LRBA: variants seen among roughly 807,000 people sequenced by gnomAD.
The protein encoded by LRBA is lipopolysaccharide-responsive and beige-like anchor protein.
LRBA carries 176 observed loss-of-function variants against 330.0 expected under a neutral mutation model. That is an observed-to-expected ratio of 0.53 (90% CI 0.47 to 0.60). LRBA has a LOEUF of 0.60. Among genes scored for constraint, LRBA ranks in the 20% least tolerant of loss-of-function variants. The probability of loss-of-function intolerance (pLI) is 0.00; values close to 1 mark genes in which losing one functional copy is unlikely to be tolerated. For synonymous variants in LRBA, 1,230 were observed against 1,193.0 expected (o/e 1.03, Z -0.64); for missense variants, 3,259 against 3,444.8 (o/e 0.95, Z 1.35).
At chr4:150,481,205 T>C (rs932713871) in intron 42 of LRBA, among the ~76,000 whole-genome samples, 1 of 152,122 alleles carries the variant, frequency 6.6e-6, no homozygotes, top group Non-Finnish European at 1.5e-5. Flanking sequence ...TATTCCATTG[T>C]GTATATATGG....
intron 37 of LRBA, among the ~76,000 whole-genome samples, chr4:150,676,047 GCAAA>G (rs1486518289): frequency 1.3e-5 from 2 of 152,064 alleles, no homozygotes; most frequent in African/African-American, 4.8e-5. Context: ...CAAGCTCTAT[GCAAA>G]CAGACTATTA....
chr4:150,553,694 G>A (rs1309644768), intron 40 of LRBA, among the ~76,000 whole-genome samples: 1 of 152,178 alleles, frequency 6.6e-6, no homozygotes, highest in Non-Finnish European at 1.5e-5. Context: ...GGGGGTAGAA[G>A]GAGTCAAATC....
chr4:150,560,962 G>T (rs552738990), intron 40 of LRBA, among the ~76,000 whole-genome samples: 8 of 151,980 alleles, frequency 5.3e-5, no homozygotes, highest in Non-Finnish European at 1.2e-4. Flanking sequence ...TCCAGCCTGG[G>T]CAACAAGAGC....
intron 31 of LRBA, among the ~76,000 whole-genome samples, chr4:150,809,872 TACGATAC>T (rs1743393066): frequency 1.6e-5 from 2 of 123,938 alleles, no homozygotes; most frequent in African/African-American, 3.1e-5. Flanking sequence ...TACGATACGA[TACGATAC>T]GATACGATAC....
At chr4:150,282,004 T>G (rs887528496) in intron 55 of LRBA, among the ~76,000 whole-genome samples, 2 of 152,204 alleles carry the variant, frequency 1.3e-5, no homozygotes, top group Non-Finnish European at 2.9e-5. Flanking sequence ...TAGCTGAAAT[T>G]AATAAACCTA....
chr4:150,816,464 T>C (rs984630619), intron 31 of LRBA, among the ~76,000 whole-genome samples: 4 of 151,982 alleles, frequency 2.6e-5, no homozygotes, highest in Admixed American at 2.0e-4. Flanking sequence ...CATCAATGTA[T>C]AGGATCTTGC....
intron 56 of LRBA, among the ~76,000 whole-genome samples, chr4:150,273,365 T>C (rs1286990512): frequency 1.3e-5 from 2 of 152,088 alleles, no homozygotes; most frequent in African/African-American, 4.8e-5. Flanking sequence ...ACATACCAAA[T>C]TGTAAACACC....
chr4:150,489,629 AAT>A (rs1334729967), intron 41 of LRBA, among the ~76,000 whole-genome samples: 5 of 118,882 alleles, frequency 4.2e-5, no homozygotes, highest in African/African-American at 6.6e-5. Flanking sequence ...AAGAATATAT[AAT>A]ATATAAGAAT....
At chr4:150,584,091 A>C in intron 40 of LRBA, 1 of 1,547,068 alleles carries the variant, frequency 6.5e-7, no homozygotes, top group Non-Finnish European at 8.7e-7. Flanking sequence ...CCAATCCCAA[A>C]AGCCTGGACA....
intron 40 of LRBA, among the ~76,000 whole-genome samples, chr4:150,576,911 G>A (rs1294346032): frequency 6.6e-6 from 1 of 151,662 alleles, no homozygotes; most frequent in Non-Finnish European, 1.5e-5. Flanking sequence ...AATACCCTTG[G>A]GTTACTAATC....
chr4:150,970,959 A>T (rs1005421904), intron 2 of LRBA, among the ~76,000 whole-genome samples: 1 of 152,188 alleles, frequency 6.6e-6, no homozygotes, highest in African/African-American at 2.4e-5. Flanking sequence ...TAGGTCAGAA[A>T]GATTACACAG....
chr4:150,948,535 AT>A (rs1736472824), intron 2 of LRBA, among the ~76,000 whole-genome samples: 1 of 152,076 alleles, frequency 6.6e-6, no homozygotes, highest in Non-Finnish European at 1.5e-5. Context: ...AATCTTCAGA[AT>A]TTAGGGTTAA....
chr4:150,582,775 T>G, intron 40 of LRBA: 1 of 442,504 alleles, frequency 2.3e-6, no homozygotes, highest in Non-Finnish European at 4.0e-6. Flanking sequence ...AAGAGGTACT[T>G]TTCTTTTTAG....
intron 40 of LRBA, among the ~76,000 whole-genome samples, chr4:150,539,212 G>A (rs551443688): frequency 6.6e-6 from 1 of 152,150 alleles, no homozygotes; most frequent in South Asian, 2.1e-4. Context: ...TTGACGTCGT[G>A]ATCCGCCCGC....
intron 46 of LRBA, chr4:150,422,619 G>C (rs955254267): frequency 1.7e-6 from 1 of 590,776 alleles, no homozygotes; most frequent in African/African-American, 1.9e-5. Flanking sequence ...AAGGGACAAG[G>C]TTCCATGAAG....
intron 40 of LRBA, among the ~76,000 whole-genome samples, chr4:150,513,979 T>G (rs568075448): frequency 6.6e-6 from 1 of 152,280 alleles, no homozygotes; most frequent in Admixed American, 6.5e-5. Flanking sequence ...GTCCCTAACC[T>G]TTGTCCTATG....
intron 47 of LRBA, among the ~76,000 whole-genome samples, chr4:150,374,169 G>A (rs1196606412): frequency 1.3e-5 from 2 of 152,042 alleles, no homozygotes; most frequent in African/African-American, 2.4e-5. Context: ...CGGATGAAAC[G>A]TTTCTCCCTC....
At chr4:150,983,325 C>T (rs1312806665) in intron 2 of LRBA, among the ~76,000 whole-genome samples, 4 of 151,882 alleles carry the variant, frequency 2.6e-5, no homozygotes, top group Non-Finnish European at 4.4e-5. Flanking sequence ...TATGATGGAA[C>T]ATGCCTGTAG....
chr4:150,781,176 G>A (rs1389230870), intron 34 of LRBA, among the ~76,000 whole-genome samples: 7 of 152,182 alleles, frequency 4.6e-5, no homozygotes, highest in Non-Finnish European at 1.0e-4. Context: ...ACCACGCCCG[G>A]CCGTGCATTT....
Sources: gnomAD v4.1 joint callset for allele counts (sites outside exome capture counted in the v4.1 genomes callset) on GRCh38, gnomAD v4.1.1 for gene constraint, MANE v1.5 for transcripts, NCBI Gene and HGNC (gene_info 2026-07-23, HGNC 2026-07-21) for gene names.